Variants in CEP104 observed in about 807,000 individuals in gnomAD.
CEP104 encodes the protein centrosomal protein of 104 kDa.
A neutral mutation model predicts 113.3 loss-of-function variants in CEP104; 84 were observed. The ratio of observed to expected loss-of-function variants is 0.74; its 90% confidence interval spans 0.62 to 0.89. CEP104 has a LOEUF of 0.89. Ranked by LOEUF, CEP104 falls within the 40% of genes least tolerant of loss-of-function variation. The probability of loss-of-function intolerance (pLI) is 0.00; values close to 1 mark genes in which losing one functional copy is unlikely to be tolerated. For synonymous variants in CEP104, 378 were observed against 421.7 expected (o/e 0.90, Z 1.27); for missense variants, 1,053 against 1,156.6 (o/e 0.91, Z 1.30).
At position 3,814,749 on chromosome 1, in the gene CEP104, G is replaced by T. The variant is rs1252675747; in HGVS notation, c.*653C>A. On this transcript the variant is annotated 3_prime_UTR_variant, in exon 22 of 22. Transcript: ENST00000378230. ...ATCCAGCAAGGTGCGGCTGAGGTGG[G>T]ACCAATTCTCAAAAAAACTACGATT... is the stretch of plus-strand genomic sequence containing the variant. 6.6e-6 allele frequency: 1 copy of T among 152,320 alleles called. No homozygotes were observed. Among genetic ancestry groups the T allele is most frequent in the African/African-American group, 2.4e-5 (1 of 41,462 alleles). 9.4% of individuals were successfully genotyped at this position (152,320 alleles called of 1,614,324 possible).
rs1643940002 is a variant in CEP104, at chr1:3,819,988, A to G, written c.2571+3186T>C. Reference sequence around the variant, plus strand: ...TGAGCCTGGAAGTGAGTCCTTCCCTAGCAGGGCTGACAGATGAGAATGAAG... The same window carrying G: ...TGAGCCTGGAAGTGAGTCCTTCCCTGGCAGGGCTGACAGATGAGAATGAAG... On this transcript the variant is annotated intron_variant, in intron 20 of 21. Transcript: ENST00000378230. The surrounding 1 kb of genome is among the most constrained non-coding windows in gnomAD (Gnocchi z 4.6). 6.6e-6 allele frequency among the ~76,000 whole-genome samples: 1 copy of G among 152,102 alleles called. No homozygotes were observed. The highest frequency in any genetic ancestry group is 1.9e-4 in the East Asian group (1 of 5,182).
chr1:3,854,924 TG>T (rs1263408656), intron 1 of CEP104, among the ~76,000 whole-genome samples: 56 of 145,618 alleles, frequency 3.8e-4, no homozygotes, highest in Admixed American at 1.4e-4. Flanking sequence ...CAGGCTGGAG[TG>T]CAGTGGCGTG....
intron 4 of CEP104, among the ~76,000 whole-genome samples, chr1:3,845,766 AT>A (rs1214080726): frequency 6.6e-6 from 1 of 152,232 alleles, no homozygotes; most frequent in African/African-American, 2.4e-5. Flanking sequence ...TTATGTTAGT[AT>A]TCTAATGCTA....
chr1:3,853,302 A>T (rs1314847893), intron 1 of CEP104, among the ~76,000 whole-genome samples: 4 of 152,142 alleles, frequency 2.6e-5, no homozygotes, highest in African/African-American at 9.7e-5. Flanking sequence ...CTCACAGGAC[A>T]TTGAGCCCAA....
intron 12 of CEP104, among the ~76,000 whole-genome samples, chr1:3,831,543 T>C (rs7524674): frequency 0.3 from 46,304 of 152,088 alleles, 8,265 homozygotes; most frequent in African/African-American, 0.49. Flanking sequence ...AAGGAAAAGG[T>C]TTTCTCATTT....
intron 6 of CEP104, among the ~76,000 whole-genome samples, chr1:3,843,908 C>T (rs968479409): frequency 1.8e-4 from 28 of 152,008 alleles, no homozygotes; most frequent in African/African-American, 6.0e-4. Flanking sequence ...ATTACAGGTG[C>T]GCGCCACCAC....
intron 7 of CEP104, among the ~76,000 whole-genome samples, 170 bp from the exon 8 acceptor site, chr1:3,839,289 T>C (rs1378170346): frequency 6.6e-6 from 1 of 152,162 alleles, no homozygotes; most frequent in Non-Finnish European, 1.5e-5. Context: ...TGTTGCTGTA[T>C]GGGCATTTAA....
Position 3,819,011 on chromosome 1 carries a change from C to G in CEP104, c.2572-2641G>C, listed in dbSNP as rs925351203. ...TTCACATTTGAATCTCAGATCCACT[C>G]GGAGCTTTCTTCTGAGCAGTGTGGA... On this transcript the variant is annotated intron_variant, in intron 20 of 21. Transcript: ENST00000378230. The surrounding 1 kb of genome is among the most constrained non-coding windows in gnomAD (Gnocchi z 4.6). Among the ~76,000 whole-genome samples, 1 of 152,208 alleles carries G rather than the reference C, an allele frequency of 6.6e-6. No individual in the cohort carries two copies. The highest frequency in any genetic ancestry group is 2.4e-5 in the African/African-American group (1 of 41,448).
chr1:3,836,400 T>C (rs928750375), intron 10 of CEP104, 95 bp downstream of exon 10: 1 of 1,307,524 alleles, frequency 7.6e-7, no homozygotes, highest in Middle Eastern at 2.7e-4. Context: ...GTGGGCGTTT[T>C]CCCTCCTTTA....
rs757947810 is a variant in CEP104 at position 3,844,888 on chromosome 1, T to C, written c.566+19A>G. ...GAGGAAAGTAAAAGAAGTTCATTGATGGGGAGCAGGACTCTTACCTGGCGT... is the reference window on the plus strand; with the variant it reads ...GAGGAAAGTAAAAGAAGTTCATTGACGGGGAGCAGGACTCTTACCTGGCGT... On this transcript the variant is annotated intron_variant, in intron 6 of 21. Coordinates refer to ENST00000378230, the MANE Select transcript of CEP104 (RefSeq NM_014704.4). 13 of 1,599,214 alleles carry C rather than the reference T, an allele frequency of 8.1e-6. No individual in the cohort carries two copies. The highest frequency in any genetic ancestry group is 1.0e-5 in the Non-Finnish European group (12 of 1,166,486).
chr1:3,817,327 G>A (rs549222018), intron 20 of CEP104, among the ~76,000 whole-genome samples: 109 of 152,260 alleles, frequency 7.2e-4, no homozygotes, highest in South Asian at 1.5e-3. Context: ...GGGCAACAGG[G>A]TGAGACTCCA....
intron 6 of CEP104, 37 bp from the exon 7 acceptor site, chr1:3,839,813 A>T (rs1294190974): frequency 6.4e-7 from 1 of 1,567,542 alleles, no homozygotes; most frequent in Non-Finnish European, 8.7e-7. Flanking sequence ...AGATAATTTC[A>T]CGCCCTAGGA....
Position 3,833,977 on chromosome 1 carries a change from T to C in CEP104, c.1544A>G (p.His515Arg), listed in dbSNP as rs777594112. 6.2e-7 allele frequency: 1 copy of C among 1,613,726 alleles called. No homozygotes were observed. Among genetic ancestry groups the C allele is most frequent in the East Asian group, 2.2e-5 (1 of 44,880 alleles). The stretch of plus-strand genomic sequence containing the variant: ...AGCTGTTTCAAGTTTACTCAGTTTA[T>C]GTTTAGGAATATATTGTGTAATGAT... Reference protein sequence around the residue: ...KMIITQYIPKHKLSKLETAHC... With the variant: ...KMIITQYIPKRKLSKLETAHC... The change falls in exon 12 of 22, where the codon CAT becomes CGT. Residue 515 changes from histidine (H) to arginine (R), a missense_variant. By Grantham distance (29) the His-to-Arg change is conservative (BLOSUM62 0). Coordinates refer to ENST00000378230, the MANE Select transcript of CEP104 (RefSeq NM_014704.4).
chr1:3,835,950 G>A (rs1449194392), intron 10 of CEP104, among the ~76,000 whole-genome samples: 2 of 148,474 alleles, frequency 1.3e-5, no homozygotes, highest in African/African-American at 5.0e-5. Context: ...GCTATAGTGA[G>A]TTATGATCAC....
intron 18 of CEP104, among the ~76,000 whole-genome samples, chr1:3,824,432 G>C (rs1189911019): frequency 6.6e-6 from 1 of 152,128 alleles, no homozygotes; most frequent in Non-Finnish European, 1.5e-5. Context: ...TAGGGGATGG[G>C]GAAGACTTGT....
intron 20 of CEP104, among the ~76,000 whole-genome samples, chr1:3,820,996 G>A (rs1478128421): frequency 6.6e-6 from 1 of 152,254 alleles, no homozygotes; most frequent in East Asian, 1.9e-4. Context: ...GGAAGTGTGT[G>A]TGCATGAGTG....
intron 1 of CEP104, among the ~76,000 whole-genome samples, chr1:3,855,448 C>T (rs968210907): frequency 2.2e-4 from 33 of 151,410 alleles, no homozygotes; most frequent in African/African-American, 3.9e-4. Flanking sequence ...GGATTACAGG[C>T]GTGAGCCGCC....
At chr1:3,848,400 C>T (rs541408021) in intron 3 of CEP104, among the ~76,000 whole-genome samples, 1 of 151,856 alleles carries the variant, frequency 6.6e-6, no homozygotes, top group Non-Finnish European at 1.5e-5. Flanking sequence ...GGCGTGATGG[C>T]GGGCACCTGT....
intron 13 of CEP104, 36 bp downstream of exon 13, chr1:3,831,010 G>C (rs752943279): frequency 6.3e-7 from 1 of 1,594,476 alleles, no homozygotes; most frequent in Admixed American, 1.7e-5. Context: ...GGTGAGTGCT[G>C]GGCCGCGTGG....
Sources: gnomAD v4.1 joint callset for allele counts (sites outside exome capture counted in the v4.1 genomes callset) on GRCh38, gnomAD v4.1.1 for gene constraint, Gnocchi (gnomAD v3.1) non-coding constraint, MANE v1.5 for transcripts, NCBI Gene and HGNC (gene_info 2026-07-23, HGNC 2026-07-21) for gene names.